The following ROBO2 variants were observed in gnomAD, a reference collection of about 807,000 sequenced individuals.
ROBO2 encodes roundabout guidance receptor 2, also known as roundabout homolog 2.
In ROBO2, 53 loss-of-function variants were observed where a neutral mutation model predicts 160.8. The observed-to-expected ratio is 0.33, with a 90% CI of 0.26 to 0.41. The LOEUF is 0.41. ROBO2 is among the 10% of genes least tolerant of loss of function. The pLI is 1.00. For synonymous variants in ROBO2, 664 were observed against 611.7 expected (o/e 1.09, Z -1.26); for missense variants, 1,577 against 1,722.4 (o/e 0.92, Z 1.49).
At chr3:77,390,696 GA>G (rs1298908817) in intron 2 of ROBO2, among the ~76,000 whole-genome samples, 2 of 152,000 alleles carry the variant, frequency 1.3e-5, no homozygotes, top group African/African-American at 4.8e-5. Flanking sequence ...AATGTAATAT[GA>G]AAAAAATGAA....
In ROBO2 at chr3:77,237,466, T is replaced by C. The variant is rs545928227; in HGVS notation, c.388+139126T>C. Among the ~76,000 whole-genome samples, 3 of 139,774 alleles carry C rather than the reference T, an allele frequency of 2.1e-5. No individual in the cohort carries two copies. In the Admixed American group the frequency reaches 2.2e-4, roughly 10 times the overall value. The allele number at this position is 139,774 out of a possible 152,430, so 91.7% of individuals were successfully genotyped here. On this transcript the variant is annotated intron_variant, in intron 2 of 25. Coordinates refer to ENST00000461745, the Ensembl canonical transcript of ROBO2. ...GTGTGGTGGTGATAAGGTCTCACTA[T>C]CTTGCCCAAGCTGATCTTGAACTCG...
intron 2 of ROBO2, among the ~76,000 whole-genome samples, chr3:76,384,803 A>G (rs917032559): frequency 3.9e-5 from 6 of 152,170 alleles, no homozygotes; most frequent in Non-Finnish European, 5.9e-5. Context: ...ACCTGCCTCC[A>G]TGATTCAATG....
At chr3:76,059,298 C>T (rs1376125905) in intron 2 of ROBO2, among the ~76,000 whole-genome samples, 2 of 151,636 alleles carry the variant, frequency 1.3e-5, no homozygotes, top group East Asian at 1.9e-4. Context: ...TCTCCACATC[C>T]TCTCCAGCAC....
intron 1 of ROBO2, among the ~76,000 whole-genome samples, chr3:75,917,042 G>GT (rs1257099936): frequency 6.6e-6 from 1 of 151,876 alleles, no homozygotes; most frequent in African/African-American, 2.4e-5. Flanking sequence ...AAATTTTACT[G>GT]TAAGTTCTGG....
At chr3:75,937,841 TTA>T (rs1158457510) in intron 2 of ROBO2, among the ~76,000 whole-genome samples, 9,746 of 105,332 alleles carry the variant, frequency 0.093, 567 homozygotes, top group African/African-American at 0.19. Flanking sequence ...GGAATTGATT[TTA>T]TATATATATA....
intron 2 of ROBO2, among the ~76,000 whole-genome samples, chr3:76,985,886 A>C (rs980254749): frequency 1.3e-5 from 2 of 152,190 alleles, no homozygotes; most frequent in Non-Finnish European, 2.9e-5. Context: ...CATTAACTCC[A>C]TGTGGTCATT....
intron 5 of ROBO2, among the ~76,000 whole-genome samples, chr3:77,501,984 C>T (rs1404837180): frequency 6.6e-6 from 1 of 152,130 alleles, no homozygotes; most frequent in Non-Finnish European, 1.5e-5. Flanking sequence ...ATGATATTTA[C>T]ACAGTGCTTA....
intron 2 of ROBO2, among the ~76,000 whole-genome samples, chr3:76,783,541 A>G (rs1560554106): frequency 1.3e-5 from 2 of 148,818 alleles, no homozygotes; most frequent in Non-Finnish European, 3.0e-5. Context: ...AGTGCTTTCA[A>G]TATGTCATCC....
chr3:76,377,484 A>C (rs1358935411), intron 2 of ROBO2, among the ~76,000 whole-genome samples: 1 of 152,164 alleles, frequency 6.6e-6, no homozygotes, highest in East Asian at 1.9e-4. Flanking sequence ...ATTGCTACTG[A>C]ATATTACCTG....
intron 2 of ROBO2, among the ~76,000 whole-genome samples, chr3:76,382,319 T>C (rs921096770): frequency 2.6e-5 from 4 of 152,148 alleles, no homozygotes; most frequent in Non-Finnish European, 2.9e-5. Context: ...CTGGGCGCGG[T>C]GACTCACGCC....
chr3:76,365,179 A>G (rs1028697558), intron 2 of ROBO2, among the ~76,000 whole-genome samples: 2 of 152,160 alleles, frequency 1.3e-5, no homozygotes, highest in Admixed American at 1.3e-4. Flanking sequence ...TATCACCTGT[A>G]TCTGTACTCC....
At chr3:76,430,537 T>C (rs2076395000) in intron 2 of ROBO2, among the ~76,000 whole-genome samples, 2 of 152,138 alleles carry the variant, frequency 1.3e-5, no homozygotes, top group Non-Finnish European at 2.9e-5. Context: ...TTGTATTCTG[T>C]TCCATATCAA....
At chr3:77,317,522 A>T in intron 2 of ROBO2, 1 of 1,403,202 alleles carries the variant, frequency 7.1e-7, no homozygotes, top group South Asian at 1.2e-5. Flanking sequence ...TTTTCAAATC[A>T]AGCTTTATTA....
At chr3:77,040,958 A>T (rs548274433) in intron 1 of ROBO2, 112 bp downstream of exon 1, 5 of 1,459,616 alleles carry the variant, frequency 3.4e-6, no homozygotes, top group Non-Finnish European at 4.8e-6. Context: ...TATGTCTGTT[A>T]GTCCGTTTTG....
chr3:76,771,699 T>A (rs998749887), intron 2 of ROBO2, among the ~76,000 whole-genome samples: 22 of 151,276 alleles, frequency 1.5e-4, no homozygotes, highest in Non-Finnish European at 2.1e-4. Context: ...ATCAACAATA[T>A]TATGCAAAAT....
chr3:75,964,508 GT>G lies in ROBO2; in HGVS notation c.109+26913del, dbSNP rs200344337. 6.8e-3 allele frequency among the ~76,000 whole-genome samples: 1,032 copies of G among 151,384 alleles called. 16 individuals carry two copies. Among genetic ancestry groups the G allele is most frequent in the African/African-American group, 0.024 (997 of 41,344 alleles). On this transcript the variant is annotated intron_variant, in intron 2 of 26. Coordinates refer to the ROBO2 transcript ENST00000487694. ...AATCCTGCACTTTATCTTCATGCAA[GT>G]TTTTTTCTGCTAAATTAATATTTTG...
At chr3:77,242,015 C>A (rs927425819) in intron 2 of ROBO2, among the ~76,000 whole-genome samples, 1 of 152,060 alleles carries the variant, frequency 6.6e-6, no homozygotes, top group Admixed American at 6.6e-5. Flanking sequence ...TGCTAATATG[C>A]GGGAAATAAG....
rs552910438 is a variant in ROBO2, at chr3:76,568,392, G to A, written c.110-529622G>A. ...GGCTCACTGCAAGCTCCGCCTCCCGGGTTCACACCATTCTCCTGCCTCAAC... is the reference window on the plus strand; with the variant it reads ...GGCTCACTGCAAGCTCCGCCTCCCGAGTTCACACCATTCTCCTGCCTCAAC... On this transcript the variant is annotated intron_variant, in intron 2 of 26. Transcript: ENST00000487694. Among the ~76,000 whole-genome samples the A allele has an allele frequency of 8.1e-4, 123 of 152,026 alleles. 1 individual carries two copies. Among genetic ancestry groups the A allele is most frequent in the African/African-American group, 2.8e-3 (118 of 41,478 alleles).
At chr3:76,104,800 G>A (rs991792220) in intron 2 of ROBO2, among the ~76,000 whole-genome samples, 2 of 152,132 alleles carry the variant, frequency 1.3e-5, no homozygotes, top group African/African-American at 4.8e-5. Flanking sequence ...GGAAACTTAG[G>A]AAGTGTTTTA....
Sources: gnomAD v4.1 joint callset for allele counts (sites outside exome capture counted in the v4.1 genomes callset) on GRCh38, gnomAD v4.1.1 for gene constraint, MANE v1.5 for transcripts, NCBI Gene and HGNC (gene_info 2026-07-23, HGNC 2026-07-21) for gene names.